PRR11: variants seen among roughly 807,000 people sequenced by gnomAD.
The protein encoded by PRR11 is proline rich 11.
In PRR11, 30 loss-of-function variants were observed where a neutral mutation model predicts 45.6. The observed-to-expected ratio is 0.66, with a 90% CI of 0.49 to 0.89. The LOEUF is 0.89. Ranked by LOEUF, PRR11 falls within the 40% of genes least tolerant of loss-of-function variation. The pLI is 0.00. For missense variants in PRR11, 373 were observed against 424.8 expected (o/e 0.88, Z 1.07); for synonymous variants, 128 against 153.5 (o/e 0.83, Z 1.23).
intron 9 of PRR11, among the ~76,000 whole-genome samples, chr17:59,200,408 G>A (rs920997273): frequency 2.0e-5 from 3 of 152,132 alleles, no homozygotes; most frequent in African/African-American, 2.4e-5. Flanking sequence ...CATCCTGGGC[G>A]ATATAGCAAG....
chr17:59,168,802 T>G (rs1041123957), intron 1 of PRR11, among the ~76,000 whole-genome samples: 1 of 152,200 alleles, frequency 6.6e-6, no homozygotes, highest in African/African-American at 2.4e-5. Flanking sequence ...CCACAGCGTA[T>G]TAGAAAGAAC....
chr17:59,174,150 A>C (rs1308325871), intron 2 of PRR11, among the ~76,000 whole-genome samples: 2 of 152,190 alleles, frequency 1.3e-5, no homozygotes, highest in South Asian at 4.1e-4. Context: ...AGCCCCAGTG[A>C]TCTGCTTCAT....
rs772261765 is a variant in PRR11, at chr17:59,195,396, G to A, written c.810G>A (p.Leu270=). Residue 270 remains leucine (L), a synonymous_variant, in exon 7 of 10, where the codon CTG becomes CTA. Coordinates refer to ENST00000262293, the MANE Select transcript of PRR11 (RefSeq NM_018304.4). ...TCTCTGACTTGCAGCATGTTACCCT[G>A]AAACCTAACTCCAAAGTGTTATCGA... ...VTVSDLQHVT[L]KPNSKVLSTR... 2.2e-5 allele frequency: 36 copies of A among 1,613,778 alleles called. No individual in the cohort carries two copies. The highest frequency in any genetic ancestry group is 3.0e-5 in the Non-Finnish European group (35 of 1,179,892).
intron 2 of PRR11, 93 bp from the exon 3 acceptor site, chr17:59,184,961 T>A (rs2046806953): frequency 8.8e-7 from 1 of 1,142,530 alleles, no homozygotes; most frequent in Non-Finnish European, 1.2e-6. Flanking sequence ...CCTCCCAAAG[T>A]GCTAGCAGTA....
intron 4 of PRR11, among the ~76,000 whole-genome samples, chr17:59,186,780 T>C (rs2046816379): frequency 2.0e-5 from 3 of 151,968 alleles, no homozygotes; most frequent in Admixed American, 2.0e-4. Context: ...TGCTCAAATA[T>C]CAGGAAAAGG....
At chr17:59,193,760 G>T in intron 5 of PRR11, 26 bp downstream of exon 5, 2 of 1,605,948 alleles carry the variant, frequency 1.2e-6, no homozygotes, top group Non-Finnish European at 1.7e-6. Flanking sequence ...GTAATGATAT[G>T]TTTTGATATG....
chr17:59,181,703 T>A, intron 2 of PRR11: 5 of 1,553,200 alleles, frequency 3.2e-6, no homozygotes, highest in Non-Finnish European at 4.4e-6. Flanking sequence ...CTCTTCCTTT[T>A]CCAGCAAAGG....
chr17:59,191,197 T>C lies in PRR11; in HGVS notation c.403-2295T>C, dbSNP rs2046839110. 2.0e-5 allele frequency among the ~76,000 whole-genome samples: 3 copies of C among 147,348 alleles called. No homozygotes were observed. In the South Asian group the frequency reaches 6.4e-4, roughly 31 times the overall value. ...TCTCCCACTGGATAAATACTCCATGTTTCTTTCTTTTTTTCTTTTTTTCTT... is the reference window on the plus strand; with the variant it reads ...TCTCCCACTGGATAAATACTCCATGCTTCTTTCTTTTTTTCTTTTTTTCTT... On this transcript the variant is annotated intron_variant, in intron 4 of 9. Transcript: ENST00000262293.
chr17:59,180,501 T>TTTTTTTTTTTG (rs541780941), intron 2 of PRR11, among the ~76,000 whole-genome samples: 11 of 116,212 alleles, frequency 9.5e-5, no homozygotes, highest in African/African-American at 3.5e-4. Context: ...TCCTTGTTTT[T>TTTTTTTTTTTG]TTTTTTTTGT....
At chr17:59,189,590 T>A (rs2046831665) in intron 4 of PRR11, among the ~76,000 whole-genome samples, 1 of 152,054 alleles carries the variant, frequency 6.6e-6, no homozygotes, top group Non-Finnish European at 1.5e-5. Flanking sequence ...TGCCTCGGCC[T>A]CCCAAAGTGC....
rs2046914611 is a variant in PRR11, at chr17:59,205,689, A to C, written c.*4058A>C. ...ACTCCAGCTTGAGCAACAAGAGCGAAACTGTCTCAAAAAAAAAAAAAAAGT... is the reference window on the plus strand; with the variant it reads ...ACTCCAGCTTGAGCAACAAGAGCGACACTGTCTCAAAAAAAAAAAAAAAGT... On this transcript the variant is annotated 3_prime_UTR_variant, in exon 10 of 10. Coordinates refer to ENST00000262293, the MANE Select transcript of PRR11 (RefSeq NM_018304.4). Among the ~76,000 whole-genome samples the C allele has an allele frequency of 1.3e-5, 2 of 150,878 alleles. No homozygotes were observed. Among genetic ancestry groups the C allele is most frequent in the Non-Finnish European group, 2.9e-5 (2 of 67,816 alleles).
At chr17:59,171,784 A>G (rs1340614830) in intron 2 of PRR11, among the ~76,000 whole-genome samples, 5 of 152,130 alleles carry the variant, frequency 3.3e-5, no homozygotes, top group African/African-American at 1.2e-4. Flanking sequence ...TTTCTATGAC[A>G]GGAACTTAGG....
intron 2 of PRR11, among the ~76,000 whole-genome samples, chr17:59,180,501 T>TTTTTTTGTTTTG (rs1555716472): frequency 1.7e-5 from 2 of 116,188 alleles, no homozygotes; most frequent in African/African-American, 7.1e-5. Flanking sequence ...TCCTTGTTTT[T>TTTTTTTGTTTTG]TTTTTTTTGT....
chr17:59,160,745 T>C (rs906392909), intron 1 of PRR11: 1 of 152,146 alleles, frequency 6.6e-6, no homozygotes, highest in Non-Finnish European at 1.5e-5. Flanking sequence ...TTTTTTTCTT[T>C]TTTTTGGAAA....
At chr17:59,176,994 G>A (rs560887403) in intron 2 of PRR11, among the ~76,000 whole-genome samples, 2 of 152,148 alleles carry the variant, frequency 1.3e-5, no homozygotes, top group South Asian at 4.2e-4. Flanking sequence ...ACCGCGCCCA[G>A]CCTGAGTTTC....
chr17:59,191,220 CTTTT>C (rs60012514), intron 4 of PRR11, among the ~76,000 whole-genome samples: 4 of 98,186 alleles, frequency 4.1e-5, no homozygotes, highest in Non-Finnish European at 6.5e-5. Flanking sequence ...TTCTTTTTTT[CTTTT>C]TTTTTTTTTT....
rs974139428 is a variant in PRR11 at position 59,201,958 on chromosome 17, C to G, written c.*327C>G. The G allele has an allele frequency of 4.2e-6, 1 of 236,604 alleles. No individual in the cohort carries two copies. Among genetic ancestry groups the G allele is most frequent in the Non-Finnish European group, 8.4e-6 (1 of 118,940 alleles). The allele number at this position is 236,604 out of a possible 1,614,324, so 14.7% of individuals were successfully genotyped here. A position where few individuals can be genotyped will look rare whatever the true frequency, so the allele number is the denominator to read the frequency against. ...TGCACTCCAGCCTGAGCAACAAGAG[C>G]AAAACAAAAACAAACAAACAAACAA... On this transcript the variant is annotated 3_prime_UTR_variant, in exon 10 of 10. Transcript: ENST00000262293.
In PRR11 at chr17:59,202,722, C is replaced by T. The variant is rs991731335; in HGVS notation, c.*1091C>T. The T allele has an allele frequency of 6.6e-6, 1 of 152,116 alleles. No individual in the cohort carries two copies. The highest frequency in any genetic ancestry group is 2.1e-4 in the South Asian group (1 of 4,828). 9.4% of individuals were successfully genotyped at this position (152,116 alleles called of 1,614,324 possible). On this transcript the variant is annotated 3_prime_UTR_variant, in exon 10 of 10. Transcript: ENST00000262293. ...ATTTTATGACAACTTCAACATGAACCTTATATTTTCGACAATGCCTTGCCA... is the reference window on the plus strand; with the variant it reads ...ATTTTATGACAACTTCAACATGAACTTTATATTTTCGACAATGCCTTGCCA...
chr17:59,156,268 G>A (rs2046623081), intron 1 of PRR11, among the ~76,000 whole-genome samples: 1 of 152,116 alleles, frequency 6.6e-6, no homozygotes, highest in Non-Finnish European at 1.5e-5. Context: ...TATGTTACTC[G>A]ATATTGTCTG....
Sources: gnomAD v4.1 joint callset for allele counts (sites outside exome capture counted in the v4.1 genomes callset) on GRCh38, gnomAD v4.1.1 for gene constraint, MANE v1.5 for transcripts, NCBI Gene and HGNC (gene_info 2026-07-23, HGNC 2026-07-21) for gene names.